A1CF: variants seen among roughly 807,000 people sequenced by gnomAD.
A1CF encodes the protein APOBEC-1 stimulating protein.
A1CF carries 48 observed loss-of-function variants against 68.9 expected under a neutral mutation model. The ratio of observed to expected loss-of-function variants is 0.70; its 90% CI spans 0.55 to 0.89. The LOEUF (loss-of-function observed/expected upper bound fraction) is 0.89. Ranked by LOEUF, A1CF falls within the 40% of genes least tolerant of loss-of-function variation. The pLI is 0.00. For missense variants in A1CF, 653 were observed against 718.9 expected (o/e 0.91, Z 1.05); for synonymous variants, 272 against 260.4 (o/e 1.04, Z -0.43).
rs1841345073 is a variant in A1CF at position 50,872,978 on chromosome 10, CAG to C, written c.-93-8900_-93-8899del. Among the ~76,000 whole-genome samples the C allele has an allele frequency of 4.3e-5, 4 of 92,312 alleles. No individual in the cohort carries two copies. In the South Asian group the frequency reaches 1.6e-3, roughly 38 times the overall value. The allele number at this position is 92,312 out of a possible 152,430, so 60.6% of individuals were successfully genotyped here. A position where few individuals can be genotyped will look rare whatever the true frequency, so the allele number is the denominator to read the frequency against. On this transcript the variant is annotated intron_variant, in intron 1 of 12. Transcript: ENST00000373997. Reference sequence around the variant, plus strand: ...TTTTTTTTTTTTTTTTTTTTTGAGACAGAATCTCGCTCTATCACCCAGGCTGG... The same window carrying C: ...TTTTTTTTTTTTTTTTTTTTTGAGACAATCTCGCTCTATCACCCAGGCTGG...
At chr10:50,839,892 G>A (rs939467509) in intron 5 of A1CF, among the ~76,000 whole-genome samples, 4 of 152,036 alleles carry the variant, frequency 2.6e-5, no homozygotes, top group Admixed American at 2.0e-4. Flanking sequence ...ACAGGCATGC[G>A]CCACCACGCC....
chr10:50,827,029 A>G (rs1164366534), intron 7 of A1CF, among the ~76,000 whole-genome samples: 2 of 152,218 alleles, frequency 1.3e-5, no homozygotes, highest in Non-Finnish European at 2.9e-5. Context: ...ATCAAAAGAG[A>G]CAAAGAAGGC....
chr10:50,852,328 A>C (rs1338384507), intron 3 of A1CF, among the ~76,000 whole-genome samples: 1 of 152,200 alleles, frequency 6.6e-6, no homozygotes, highest in African/African-American at 2.4e-5. Context: ...GGGATAATGA[A>C]GTTCCCACAA....
chr10:50,874,647 C>G (rs1359199099), intron 1 of A1CF, among the ~76,000 whole-genome samples: 1 of 152,234 alleles, frequency 6.6e-6, no homozygotes, highest in African/African-American at 2.4e-5. Flanking sequence ...CCCAAAACTT[C>G]ACTGTAATCT....
chr10:50,867,405 GA>G (rs1227096488), intron 1 of A1CF, among the ~76,000 whole-genome samples: 2 of 151,998 alleles, frequency 1.3e-5, no homozygotes, highest in Non-Finnish European at 1.5e-5. Flanking sequence ...GTTGGAACTG[GA>G]GGCTATTTTC....
chr10:50,836,808 C>T (rs1442423960), intron 5 of A1CF, among the ~76,000 whole-genome samples: 3 of 150,816 alleles, frequency 2.0e-5, no homozygotes, highest in Non-Finnish European at 4.4e-5. Flanking sequence ...TTTGTCCTTG[C>T]GATAGTTTGC....
chr10:50,826,435 G>A lies in A1CF; in HGVS notation c.769+1696C>T, dbSNP rs117762766. ...CTTTTAAAGAATGTTTTGATCTCTC[G>A]GCAGAAACTCGACAAGCCAGGAGAG... On this transcript the variant is annotated intron_variant, in intron 7 of 12. Coordinates refer to ENST00000373997, the MANE Select transcript of A1CF (RefSeq NM_014576.4). Among the ~76,000 whole-genome samples, 426 of 152,052 alleles carry A rather than the reference G, an allele frequency of 2.8e-3. 1 individual carries two copies. Among genetic ancestry groups the A allele is most frequent in the Non-Finnish European group, 4.4e-3 (299 of 67,962 alleles).
At chr10:50,867,483 G>T (rs904708617) in intron 1 of A1CF, among the ~76,000 whole-genome samples, 19 of 152,156 alleles carry the variant, frequency 1.2e-4, no homozygotes, top group Admixed American at 2.6e-4. Context: ...GCTACATAAT[G>T]TGTACACATG....
intron 3 of A1CF, among the ~76,000 whole-genome samples, chr10:50,857,604 C>T (rs948746864): frequency 6.6e-6 from 1 of 152,110 alleles, no homozygotes; most frequent in Non-Finnish European, 1.5e-5. Flanking sequence ...TGTCATTTTG[C>T]CTAAAGCAGG....
chr10:50,810,891 A>G, intron 11 of A1CF, 149 bp downstream of exon 11: 1 of 939,748 alleles, frequency 1.1e-6, no homozygotes, highest in Non-Finnish European at 1.5e-6. Context: ...CATGGCTGGC[A>G]CATCCCAACT....
chr10:50,839,713 G>A (rs1839682589), intron 5 of A1CF, among the ~76,000 whole-genome samples: 1 of 152,130 alleles, frequency 6.6e-6, no homozygotes, highest in Non-Finnish European at 1.5e-5. Context: ...AGTAGTTGCC[G>A]AATCCAACTG....
intron 8 of A1CF, among the ~76,000 whole-genome samples, chr10:50,819,044 T>A (rs1838510018): frequency 6.6e-6 from 1 of 152,204 alleles, no homozygotes; most frequent in Non-Finnish European, 1.5e-5. Context: ...ATTCGGGGCA[T>A]TTATTCTGCT....
intron 8 of A1CF, 179 bp from the exon 9 acceptor site, chr10:50,816,458 T>C (rs1196119090): frequency 3.0e-6 from 2 of 670,814 alleles, no homozygotes; most frequent in African/African-American, 3.6e-5. Context: ...TGAGCCATTT[T>C]GTTGGTAAGT....
chr10:50,810,013 G>C lies in A1CF; in HGVS notation c.1490C>G (p.Ala497Gly), dbSNP rs1838025005. 1.2e-6 allele frequency: 2 copies of C among 1,613,936 alleles called. No individual in the cohort carries two copies. ...ATACGTCTTTGCTTCATCCACAAAG[G>C]CACTCAGCTTTGGAGGTGTGAAAGG... Reference protein sequence around the residue: ...IHPFTPPKLSAFVDEAKTYAA... With the variant: ...IHPFTPPKLSGFVDEAKTYAA... The change falls in exon 12 of 13, where the codon GCC becomes GGC. Residue 497 changes from alanine (A) to glycine (G), a missense_variant. Coordinates refer to ENST00000373997, the MANE Select transcript of A1CF (RefSeq NM_014576.4).
At position 50,841,863 on chromosome 10, in the gene A1CF, T is replaced by C. The variant is rs760069313; in HGVS notation, c.364A>G (p.Arg122Gly). ...AIKQLNNYEI[R>G]NGRLLGVCAS... is the part of the protein sequence containing the mutation. ...TAATCTAGAAGAGGCGGAGCTTACC[T>C]AATTTCATAATTATTAAGTTGCTTG... The change falls in exon 5 of 13, where the codon AGA (arginine) becomes GGA (glycine). Residue 122 changes from arginine to glycine, a missense_variant and splice_region_variant. Transcript: ENST00000373997. The C allele has an allele frequency of 6.2e-7, 1 of 1,612,842 alleles. No individual in the cohort carries two copies. The highest frequency in any genetic ancestry group is 1.1e-5 in the South Asian group (1 of 90,914).
chr10:50,880,355 T>C (rs562105791), intron 1 of A1CF, among the ~76,000 whole-genome samples: 2 of 152,310 alleles, frequency 1.3e-5, no homozygotes, highest in South Asian at 4.1e-4. Context: ...ACCCATTCCA[T>C]AGAGTGATGG....
At chr10:50,850,743 G>A in intron 3 of A1CF, 4 of 1,614,136 alleles carry the variant, frequency 2.5e-6, no homozygotes, top group East Asian at 2.2e-5. Flanking sequence ...CTGTGCTCAT[G>A]CTCGCTTCTG....
At chr10:50,877,880 T>C (rs1383677217) in intron 1 of A1CF, among the ~76,000 whole-genome samples, 1 of 152,188 alleles carries the variant, frequency 6.6e-6, no homozygotes, top group African/African-American at 2.4e-5. Context: ...CCCCCCACTT[T>C]GGGAGGCTGA....
chr10:50,840,463 T>A (rs879483383), intron 5 of A1CF, among the ~76,000 whole-genome samples: 2 of 152,216 alleles, frequency 1.3e-5, no homozygotes, highest in Non-Finnish European at 2.9e-5. Flanking sequence ...ACTCCAAAAC[T>A]ATTGCTCTTT....
Sources: gnomAD v4.1 joint callset for allele counts (sites outside exome capture counted in the v4.1 genomes callset) on GRCh38, gnomAD v4.1.1 for gene constraint, MANE v1.5 for transcripts, NCBI Gene and HGNC (gene_info 2026-07-23, HGNC 2026-07-21) for gene names.